BRD9: variants seen among roughly 807,000 people sequenced by gnomAD.
BRD9 encodes bromodomain-containing protein 9.
BRD9 carries 47 observed loss-of-function variants against 68.7 expected under a neutral mutation model. That is an observed-to-expected ratio of 0.68 (90% CI 0.54 to 0.87). The LOEUF (loss-of-function observed/expected upper bound fraction) is 0.87. Ranked by LOEUF, BRD9 falls within the 40% of genes least tolerant of loss-of-function variation. The pLI is 0.00. For missense variants in BRD9, 670 were observed against 748.4 expected (o/e 0.90, Z 1.22); for synonymous variants, 313 against 293.9 (o/e 1.06, Z -0.67).
intron 2 of BRD9, 108 bp from the exon 3 acceptor site, chr5:891,395 C>A: frequency 1.4e-6 from 2 of 1,445,314 alleles, no homozygotes; most frequent in Non-Finnish European, 1.8e-6. Context: ...TAAGGGAAAC[C>A]CCCTCCGAGA....
Position 876,091 on chromosome 5 carries a change from T to G in BRD9, c.1383+10A>C, listed in dbSNP as rs1375797026. The G allele has an allele frequency of 6.2e-7, 1 of 1,601,238 alleles. No individual in the cohort carries two copies. Among genetic ancestry groups the G allele is most frequent in the South Asian group, 1.1e-5 (1 of 90,716 alleles). ...ACCTGCCCCCCAACCCCGGTGCGAG[T>G]GCAGCCCACCTGCTTCAGCTGGAAG... On this transcript the variant is annotated intron_variant, in intron 12 of 15. Coordinates refer to ENST00000467963, the MANE Select transcript of BRD9 (RefSeq NM_023924.5).
intron 1 of BRD9, 124 bp downstream of exon 1, chr5:892,482 C>T (rs1482637666): frequency 2.7e-6 from 4 of 1,455,044 alleles, no homozygotes; most frequent in Non-Finnish European, 1.8e-6. Flanking sequence ...TCCCGCGTGC[C>T]CAGAACCCCT....
intron 12 of BRD9, among the ~76,000 whole-genome samples, chr5:874,333 T>G (rs1252212136): frequency 6.6e-6 from 1 of 152,238 alleles, no homozygotes; most frequent in Non-Finnish European, 1.5e-5. Flanking sequence ...TTAGACAAAT[T>G]TATTGAAGAT....
In BRD9 at chr5:891,753, A is replaced by G. The variant is rs760838010; in HGVS notation, c.154T>C (p.Tyr52His). 6 of 1,551,556 alleles carry G rather than the reference A, an allele frequency of 3.9e-6. No homozygotes were observed. The South Asian group carries it at 4.8e-5, about 12-fold the overall frequency. ...CGCTCATGGTCTGACCTGTCATCAT[A>G]GTAACTGGAGTCGTGGCCGGATCCT... is the stretch of plus-strand genomic sequence containing the variant. ...LSGSGHDSSY[Y>H]DDRSDHERER... Residue 52 changes from tyrosine (Y) to histidine (H), a missense_variant, in exon 2 of 16, where the codon TAT (tyrosine) becomes CAT (histidine). Tyr to His is a moderately conservative substitution (Grantham distance 83). Transcript: ENST00000467963.
In BRD9 at chr5:864,689, A is replaced by G. The variant is rs530843808; in HGVS notation, c.1694-121T>C. The G allele has an allele frequency of 1.9e-5, 15 of 771,708 alleles. No homozygotes were observed. The African/African-American group carries it at 2.6e-4, about 13-fold the overall frequency. The allele number at this position is 771,708 out of a possible 1,614,324, so 47.8% of individuals were successfully genotyped here. A position where few individuals can be genotyped will look rare whatever the true frequency, so the allele number is the denominator to read the frequency against. On this transcript the variant is annotated intron_variant, in intron 15 of 15. Transcript: ENST00000467963. Reference sequence around the variant, plus strand: ...CAGGGCTCAGGGACTCCCAGGACACAGGGGCACCTCTCACTCCCTGCCAAG... The same window carrying G: ...CAGGGCTCAGGGACTCCCAGGACACGGGGGCACCTCTCACTCCCTGCCAAG...
chr5:865,625 G>A, intron 14 of BRD9, 44 bp from the exon 15 acceptor site: 1 of 1,548,724 alleles, frequency 6.5e-7, no homozygotes, highest in Non-Finnish European at 8.7e-7. Context: ...AGCTCAGCCG[G>A]CCCGTCTACC....
intron 12 of BRD9, 40 bp from the exon 13 acceptor site, chr5:871,604 T>C: frequency 1.3e-6 from 2 of 1,588,586 alleles, no homozygotes; most frequent in Non-Finnish European, 8.6e-7. Flanking sequence ...TTTTCCAGAG[T>C]GATTTCATAG....
chr5:877,377 G>A (rs61260719), intron 11 of BRD9, among the ~76,000 whole-genome samples: 17,623 of 152,174 alleles, frequency 0.12, 1,847 homozygotes, highest in African/African-American at 0.28. Flanking sequence ...CATTTTCCAC[G>A]TTTACTTCAT....
chr5:892,631 CT>C lies in BRD9; in HGVS notation c.26del (p.Lys9ArgfsTer20). ...CCTCGTAGGACGAGCGCCACTCGGC[CT>C]TGTGCTTCTTGTGCTTCTTGCCCAT... MGKKHKKHKAEWRSSYEDY... is the reference protein window; with the variant it reads MGKKHKKHXAEWRSSYEDY... On this transcript the variant is annotated frameshift_variant, in exon 1 of 16. Transcript: ENST00000467963. LOFTEE classifies it high-confidence loss of function. 1 of 1,486,714 alleles carries C rather than the reference CT, an allele frequency of 6.7e-7. No homozygotes were observed. Among genetic ancestry groups the C allele is most frequent in the Non-Finnish European group, 8.9e-7 (1 of 1,118,126 alleles). 92.1% of individuals were successfully genotyped at this position (1,486,714 alleles called of 1,614,324 possible).
At chr5:884,136 G>T in intron 7 of BRD9, 66 bp from the exon 8 acceptor site, 1 of 1,579,302 alleles carries the variant, frequency 6.3e-7, no homozygotes. Context: ...CTCCCCATGC[G>T]TCGGCACCTA....
In BRD9 at chr5:886,935, C is replaced by G. The variant is rs1254741620; in HGVS notation, c.718-228G>C. 6.0e-6 allele frequency: 4 copies of G among 668,894 alleles called. No homozygotes were observed. The Admixed American group carries it at 9.2e-5, about 15-fold the overall frequency. The allele number at this position is 668,894 out of a possible 1,614,324, so 41.4% of individuals were successfully genotyped here. A position where few individuals can be genotyped will look rare whatever the true frequency, so the allele number is the denominator to read the frequency against. The stretch of plus-strand genomic sequence containing the variant: ...GTGGGGGCTTGACCCACCGCCAGAG[C>G]GCGGCAGGTGCCGCACCTCCCCTTT... On this transcript the variant is annotated intron_variant, in intron 6 of 15. Coordinates refer to ENST00000467963, the MANE Select transcript of BRD9 (RefSeq NM_023924.5).
intron 14 of BRD9, chr5:866,579 G>A (rs1469602708): frequency 2.0e-5 from 3 of 152,620 alleles, no homozygotes; most frequent in Non-Finnish European, 4.4e-5. Flanking sequence ...TGAAATCCAG[G>A]CTGAGGTGGT....
chr5:873,284 G>T (rs1162628335), intron 12 of BRD9, among the ~76,000 whole-genome samples: 1 of 152,198 alleles, frequency 6.6e-6, no homozygotes, highest in Non-Finnish European at 1.5e-5. Flanking sequence ...CTACTGGCAT[G>T]AAGGGCTCAG....
In BRD9 at chr5:891,787, A is replaced by G. The variant is rs1024666927; in HGVS notation, c.120T>C (p.Thr40=). The stretch of plus-strand genomic sequence containing the variant: ...AGTCGTGGCCGGATCCTGAGAGTTC[A>G]GTCACTTCACTTCCTCCGACCTTCA... ...LVLKVGGSEV[T]ELSGSGHDSS... is the part of the protein sequence containing the mutation. The change falls in exon 2 of 16, where the codon ACT becomes ACC. Residue 40 remains threonine (T), a synonymous_variant. Transcript: ENST00000467963. 5.4e-5 allele frequency: 84 copies of G among 1,551,506 alleles called. No homozygotes were observed. The highest frequency in any genetic ancestry group is 6.8e-5 in the Non-Finnish European group (78 of 1,147,002).
intron 14 of BRD9, among the ~76,000 whole-genome samples, chr5:866,961 G>A (rs372806797): frequency 6.6e-6 from 1 of 152,194 alleles, no homozygotes; most frequent in Non-Finnish European, 1.5e-5. Context: ...AAGTAAAGAG[G>A]AGCCAAATGT....
rs548179927 is a variant in BRD9 at position 869,119 on chromosome 5, T to C, written c.1525+1354A>G. Reference sequence around the variant, plus strand: ...GTGACTCACAGAAGTCAGGGAAACATCTGTAAATGAAAAATAAAATTCTAA... The same window carrying C: ...GTGACTCACAGAAGTCAGGGAAACACCTGTAAATGAAAAATAAAATTCTAA... On this transcript the variant is annotated intron_variant, in intron 14 of 15. Transcript: ENST00000467963. 116 of 297,060 alleles carry C rather than the reference T, an allele frequency of 3.9e-4. 1 individual carries two copies. The highest frequency in any genetic ancestry group is 1.1e-3 in the Admixed American group (21 of 19,866). 18.4% of individuals were successfully genotyped at this position (297,060 alleles called of 1,614,324 possible).
chr5:877,877 G>A (rs1262548365), intron 11 of BRD9, among the ~76,000 whole-genome samples: 2 of 152,154 alleles, frequency 1.3e-5, no homozygotes, highest in Non-Finnish European at 2.9e-5. Context: ...CTCCAGGAGA[G>A]CCGAGGACAC....
At chr5:889,903 T>C in intron 3 of BRD9, 2 of 554,880 alleles carry the variant, frequency 3.6e-6, no homozygotes, top group South Asian at 3.2e-5. Context: ...TATGTGGTGA[T>C]CACTTAGCAA....
rs746369071 is a variant in BRD9 at position 878,429 on chromosome 5, G to C, written c.1197C>G (p.Gly399=). ...GCTCCATCTCGTCCGACTTCAAGTC[G>C]CCAAATACTGAATTATTCTGCATCG... ...ALSMQNNSVF[G]DLKSDEMELL... is the part of the protein sequence containing the mutation. The change falls in exon 11 of 16, where the codon GGC becomes GGG. Residue 399 remains glycine, a synonymous_variant. Coordinates refer to ENST00000467963, the MANE Select transcript of BRD9 (RefSeq NM_023924.5). 6.2e-7 allele frequency: 1 copy of C among 1,614,244 alleles called. No individual in the cohort carries two copies. Among genetic ancestry groups the C allele is most frequent in the East Asian group, 2.2e-5 (1 of 44,890 alleles).
Sources: gnomAD v4.1 joint callset for allele counts (sites outside exome capture counted in the v4.1 genomes callset) on GRCh38, gnomAD v4.1.1 for gene constraint, MANE v1.5 for transcripts, NCBI Gene and HGNC (gene_info 2026-07-23, HGNC 2026-07-21) for gene names.